Variants in DNAJC15 observed in about 807,000 individuals in gnomAD.
The protein encoded by DNAJC15 is DnaJ heat shock protein family (Hsp40) member C15.
In DNAJC15, 27 loss-of-function variants were observed where a neutral mutation model predicts 22.4. The observed-to-expected ratio is 1.20, with a 90% CI of 0.89 to 1.66. The LOEUF (loss-of-function observed/expected upper bound fraction) is 1.66. Among genes scored for constraint, DNAJC15 ranks in the 40% most tolerant of loss-of-function variants. The probability of loss-of-function intolerance (pLI) is 0.00; values close to 1 mark genes in which losing one functional copy is unlikely to be tolerated. For missense variants in DNAJC15, 208 were observed against 187.1 expected, an observed-to-expected ratio of 1.11 and a Z score of -0.65; for synonymous variants, 79 against 63.2, an observed-to-expected ratio of 1.25 and a Z score of -1.19.
At chr13:43,024,236 C>G (rs1371482606) in intron 1 of DNAJC15, among the ~76,000 whole-genome samples, 1 of 151,444 alleles carries the variant, frequency 6.6e-6, no homozygotes, top group African/African-American at 2.4e-5. Context: ...TTGGAAACTC[C>G]AAGTGGTGTA....
chr13:43,103,968 G>C (rs971033349), intron 5 of DNAJC15, among the ~76,000 whole-genome samples: 3 of 151,982 alleles, frequency 2.0e-5, no homozygotes, highest in Non-Finnish European at 2.9e-5. Context: ...ATTTTTGATA[G>C]TGTATATTTT....
chr13:43,036,482 GCCTGGAAAAAGCA>G (rs2153439619), intron 1 of DNAJC15, among the ~76,000 whole-genome samples: 1 of 152,296 alleles, frequency 6.6e-6, no homozygotes, highest in South Asian at 2.1e-4. Flanking sequence ...CCATGGGCAG[GCCTGGAAAAAGCA>G]CCATCCAATT....
intron 1 of DNAJC15, among the ~76,000 whole-genome samples, chr13:43,037,559 A>G (rs989501948): frequency 8.5e-5 from 13 of 152,154 alleles, no homozygotes; most frequent in African/African-American, 2.7e-4. Context: ...TGATGTTAAA[A>G]CATGTTAAAC....
chr13:43,047,233 GAAAT>G (rs1288012045), intron 1 of DNAJC15, among the ~76,000 whole-genome samples: 1 of 152,288 alleles, frequency 6.6e-6, no homozygotes, highest in East Asian at 1.9e-4. Flanking sequence ...GAAATCCAAA[GAAAT>G]AAAACACAGT....
At chr13:43,024,492 T>C (rs1005573161) in intron 1 of DNAJC15, among the ~76,000 whole-genome samples, 19 of 151,920 alleles carry the variant, frequency 1.3e-4, no homozygotes, top group African/African-American at 2.9e-4. Flanking sequence ...TACAGGCGCC[T>C]GCCACCACTC....
In DNAJC15 at chr13:43,036,166, C is replaced by CTTTTT. The variant is rs1181907862; in HGVS notation, c.108+12447_108+12451dup. On this transcript the variant is annotated intron_variant, in intron 1 of 5. Coordinates refer to ENST00000379221, the MANE Select transcript of DNAJC15 (RefSeq NM_013238.3). ...GGACAAAATGTTTTTCAGTTTCTGTCTTTTTTTTTTTTTTTTTTTGAGACA... is the reference window on the plus strand; with the variant it reads ...GGACAAAATGTTTTTCAGTTTCTGTCTTTTTTTTTTTTTTTTTTTTTTTTGAGACA... Among the ~76,000 whole-genome samples, 16 of 125,902 alleles carry CTTTTT rather than the reference C, an allele frequency of 1.3e-4. 1 individual carries two copies. Among genetic ancestry groups the CTTTTT allele is most frequent in the African/African-American group, 4.5e-4 (15 of 33,142 alleles). The allele number at this position is 125,902 out of a possible 152,430, so 82.6% of individuals were successfully genotyped here. A position where few individuals can be genotyped will look rare whatever the true frequency, so the allele number is the denominator to read the frequency against.
At chr13:43,055,253 C>T (rs1251291966) in intron 1 of DNAJC15, among the ~76,000 whole-genome samples, 1 of 150,940 alleles carries the variant, frequency 6.6e-6, no homozygotes, top group Admixed American at 6.6e-5. Context: ...AAAAAAAAAA[C>T]TCTGCTCTAT....
intron 4 of DNAJC15, among the ~76,000 whole-genome samples, chr13:43,080,607 C>T (rs1271441980): frequency 1.3e-5 from 2 of 152,360 alleles, no homozygotes; most frequent in Middle Eastern, 3.4e-3. Flanking sequence ...CGCTTAGGCG[C>T]TGCCCTGTAT....
At chr13:43,037,333 C>T (rs2040433696) in intron 1 of DNAJC15, among the ~76,000 whole-genome samples, 1 of 152,120 alleles carries the variant, frequency 6.6e-6, no homozygotes, top group African/African-American at 2.4e-5. Context: ...TTGCTGGAGA[C>T]TTCAAAGTCA....
chr13:43,112,112 C>CTAT lies in DNAJC15; in HGVS notation c.*4866_*4868dup, dbSNP rs1222028619. 2 of 152,186 alleles carry CTAT rather than the reference C, an allele frequency of 1.3e-5. No homozygotes were observed. Among genetic ancestry groups the CTAT allele is most frequent in the Admixed American group, 1.3e-4 (2 of 15,268 alleles). The allele number at this position is 152,186 out of a possible 1,614,324, so 9.4% of individuals were successfully genotyped here. The stretch of plus-strand genomic sequence containing the variant: ...TAATGATTTTTTATGAGCTGAGTAG[C>CTAT]TATTGTTCCCAGCTGAGTGCTCTTT... On this transcript the variant is annotated 3_prime_UTR_variant, in exon 6 of 6. Coordinates refer to ENST00000379221, the MANE Select transcript of DNAJC15 (RefSeq NM_013238.3).
At chr13:43,036,956 G>A (rs759937835) in intron 1 of DNAJC15, among the ~76,000 whole-genome samples, 31 of 152,200 alleles carry the variant, frequency 2.0e-4, no homozygotes, top group Non-Finnish European at 3.2e-4. Flanking sequence ...AAGCCTGTAG[G>A]GGCAGGGGAC....
Position 43,065,748 on chromosome 13 carries a change from GA to G in DNAJC15, c.160+13del. 6.2e-7 allele frequency: 1 copy of G among 1,612,112 alleles called. No individual in the cohort carries two copies. The highest frequency in any genetic ancestry group is 8.5e-7 in the Non-Finnish European group (1 of 1,178,846). On this transcript the variant is annotated intron_variant, in intron 2 of 5. Transcript: ENST00000379221. ...CTCTTGCATTTGCAGGTAAGATAAA[GA>G]ATACATACCAATAAATTGCAGGAGA...
intron 1 of DNAJC15, among the ~76,000 whole-genome samples, chr13:43,055,850 G>T (rs182405486): frequency 1.3e-4 from 20 of 152,102 alleles, no homozygotes; most frequent in African/African-American, 3.6e-4. Context: ...CAGAATTTTT[G>T]ATGTATTACA....
intron 2 of DNAJC15, among the ~76,000 whole-genome samples, 198 bp from the exon 3 acceptor site, chr13:43,068,732 A>G (rs1227859380): frequency 6.6e-6 from 1 of 152,134 alleles, no homozygotes; most frequent in Non-Finnish European, 1.5e-5. Flanking sequence ...AATGGCTATG[A>G]TAATGGTATT....
At chr13:43,024,337 G>GTTTTT (rs376910976) in intron 1 of DNAJC15, among the ~76,000 whole-genome samples, 1,204 of 93,342 alleles carry the variant, frequency 0.013, 41 homozygotes, top group South Asian at 0.021. Flanking sequence ...GTATTTTTAC[G>GTTTTT]TTTTTTTTTT....
chr13:43,080,778 GA>G (rs944411395), intron 4 of DNAJC15, among the ~76,000 whole-genome samples: 1 of 152,190 alleles, frequency 6.6e-6, no homozygotes, highest in African/African-American at 2.4e-5. Flanking sequence ...ATCAGGTGCT[GA>G]AAAAAATTTG....
At chr13:43,106,649 GT>G (rs1169312155) in intron 5 of DNAJC15, among the ~76,000 whole-genome samples, 1 of 151,780 alleles carries the variant, frequency 6.6e-6, no homozygotes, top group African/African-American at 2.4e-5. Flanking sequence ...AAGTAAATAG[GT>G]TTTTGGCACT....
intron 1 of DNAJC15, among the ~76,000 whole-genome samples, chr13:43,030,325 G>A (rs2153439393): frequency 6.6e-6 from 1 of 152,284 alleles, no homozygotes; most frequent in Middle Eastern, 3.4e-3. Flanking sequence ...CAAGGGCAGA[G>A]GATAGCAAAC....
chr13:43,065,255 C>T (rs111514306), intron 1 of DNAJC15, among the ~76,000 whole-genome samples: 1 of 152,070 alleles, frequency 6.6e-6, no homozygotes, highest in Non-Finnish European at 1.5e-5. Flanking sequence ...TGACTTCTTT[C>T]CTAAACATTG....
Sources: gnomAD v4.1 joint callset for allele counts (sites outside exome capture counted in the v4.1 genomes callset) on GRCh38, gnomAD v4.1.1 for gene constraint, MANE v1.5 for transcripts, NCBI Gene and HGNC (gene_info 2026-07-23, HGNC 2026-07-21) for gene names.